ARID1B: variants seen among roughly 807,000 people sequenced by gnomAD.
The protein encoded by ARID1B is AT-rich interactive domain-containing protein 1B.
ARID1B carries 30 observed loss-of-function variants against 212.3 expected under a neutral mutation model. That is an observed-to-expected ratio of 0.14 (90% CI 0.11 to 0.19). The LOEUF is 0.19. Ranked by LOEUF, ARID1B falls within the 10% of genes least tolerant of loss-of-function variation. The probability of loss-of-function intolerance (pLI) is 1.00; values close to 1 mark genes in which losing one functional copy is unlikely to be tolerated. For missense variants in ARID1B, 2,891 were observed against 3,204.0 expected, an observed-to-expected ratio of 0.90 and a Z score of 2.36; for synonymous variants, 1,402 against 1,301.7, an observed-to-expected ratio of 1.08 and a Z score of -1.66.
intron 4 of ARID1B, chr6:157,022,851 G>C (rs1265389475): frequency 1.3e-5 from 2 of 152,150 alleles, no homozygotes; most frequent in Non-Finnish European, 2.9e-5. Flanking sequence ...GTAGGGTTAG[G>C]GTTAGGGTCA....
intron 4 of ARID1B, among the ~76,000 whole-genome samples, chr6:156,961,553 A>G (rs1169556974): frequency 6.7e-6 from 1 of 150,350 alleles, no homozygotes. Context: ...GGCTCCGTTC[A>G]CCTGATCTTC....
intron 2 of ARID1B, among the ~76,000 whole-genome samples, chr6:156,846,907 G>T (rs1784271117): frequency 6.6e-6 from 1 of 152,084 alleles, no homozygotes; most frequent in Admixed American, 6.5e-5. Flanking sequence ...TAATTAGCTT[G>T]CTTCTTATCC....
At chr6:157,062,357 C>T (rs1783396088) in intron 4 of ARID1B, among the ~76,000 whole-genome samples, 1 of 151,918 alleles carries the variant, frequency 6.6e-6, no homozygotes, top group South Asian at 2.1e-4. Flanking sequence ...CCACCATGCC[C>T]AGCTAATTTT....
At chr6:156,967,108 T>G (rs1794822332) in intron 4 of ARID1B, among the ~76,000 whole-genome samples, 1 of 152,236 alleles carries the variant, frequency 6.6e-6, no homozygotes, top group South Asian at 2.1e-4. Context: ...TGTCTTACTT[T>G]TAAATTGCCG....
intron 6 of ARID1B, among the ~76,000 whole-genome samples, chr6:157,125,915 T>A (rs960453182): frequency 6.6e-6 from 1 of 152,238 alleles, no homozygotes; most frequent in Non-Finnish European, 1.5e-5. Context: ...AGTTCATTAT[T>A]TTTCCCTATT....
At chr6:157,051,151 A>G (rs1395128634) in intron 4 of ARID1B, among the ~76,000 whole-genome samples, 1 of 152,214 alleles carries the variant, frequency 6.6e-6, no homozygotes, top group Non-Finnish European at 1.5e-5. Flanking sequence ...GTCATTTGGG[A>G]TGATAAAAGA....
At position 157,201,782 on chromosome 6, in the gene ARID1B, C is replaced by T. The variant is rs750972550; in HGVS notation, c.5263+294C>T. 2.6e-5 allele frequency among the ~76,000 whole-genome samples: 4 copies of T among 152,020 alleles called. No individual in the cohort carries two copies. Among genetic ancestry groups the T allele is most frequent in the Non-Finnish European group, 5.9e-5 (4 of 68,000 alleles). On this transcript the variant is annotated intron_variant, in intron 18 of 19. Coordinates refer to ENST00000636930, the MANE Select transcript of ARID1B (RefSeq NM_001374828.1). This position sits in a 1 kb window ranked among gnomAD's most constrained non-coding sequence, Gnocchi z 5.2. Reference sequence around the variant, plus strand: ...GAGATCGAGACCATCCTGGATAACACGGTGAAATAAAATGGTAGTTTTACG... The same window carrying T: ...GAGATCGAGACCATCCTGGATAACATGGTGAAATAAAATGGTAGTTTTACG...
intron 4 of ARID1B, among the ~76,000 whole-genome samples, chr6:157,040,226 C>T (rs1401642029): frequency 1.3e-5 from 2 of 152,250 alleles, no homozygotes; most frequent in East Asian, 3.9e-4. Context: ...GCGCAAGCCA[C>T]TGTGCTCGGC....
At chr6:157,183,897 C>A (rs763466847) in intron 12 of ARID1B, among the ~76,000 whole-genome samples, 7 of 152,190 alleles carry the variant, frequency 4.6e-5, no homozygotes, top group Non-Finnish European at 1.0e-4. Context: ...TGCCCAAAAA[C>A]CTAACTTGGA....
At chr6:157,168,783 G>A (rs996027564) in intron 9 of ARID1B, 1 of 152,200 alleles carries the variant, frequency 6.6e-6, no homozygotes, top group Non-Finnish European at 1.5e-5. Context: ...CCGTACAGAG[G>A]AAATCTGTTC....
intron 6 of ARID1B, among the ~76,000 whole-genome samples, chr6:157,118,740 G>C (rs141496851): frequency 2.0e-5 from 3 of 152,300 alleles, no homozygotes; most frequent in African/African-American, 7.2e-5. Flanking sequence ...TTTTAAGCCA[G>C]CTATCCAGAA....
At chr6:156,837,385 CAG>C (rs1178471880) in intron 2 of ARID1B, among the ~76,000 whole-genome samples, 1 of 152,138 alleles carries the variant, frequency 6.6e-6, no homozygotes, top group Non-Finnish European at 1.5e-5. Context: ...AACATTGGGA[CAG>C]ATTATATAAA....
intron 10 of ARID1B, chr6:157,174,477 C>T: frequency 5.1e-6 from 1 of 194,428 alleles, no homozygotes. Context: ...GCCTCAGCAA[C>T]AACAACATAC....
At chr6:156,996,045 C>T (rs17087992) in intron 4 of ARID1B, among the ~76,000 whole-genome samples, 2,074 of 152,298 alleles carry the variant, frequency 0.014, 34 homozygotes, top group African/African-American at 0.045. Flanking sequence ...AATCTTTAAA[C>T]TCTTCAACAG....
At chr6:156,788,506 T>G (rs1779796248) in intron 1 of ARID1B, among the ~76,000 whole-genome samples, 1 of 152,214 alleles carries the variant, frequency 6.6e-6, no homozygotes, top group Non-Finnish European at 1.5e-5. Context: ...CCCACTTTGA[T>G]GATCTGCAAA....
chr6:157,210,145 C>G lies in ARID1B; in HGVS notation c.*2254C>G. On this transcript the variant is annotated 3_prime_UTR_variant, in exon 20 of 20. Transcript: ENST00000636930. ...CTCTCATCTGTCAACTCCCACATTA[C>G]TGAGTCAAACAGTCTTCTTACATAA... is the stretch of plus-strand genomic sequence containing the variant. 1 of 232,606 alleles carries G rather than the reference C, an allele frequency of 4.3e-6. No individual in the cohort carries two copies. The highest frequency in any genetic ancestry group is 8.5e-6 in the Non-Finnish European group (1 of 117,688). The allele number at this position is 232,606 out of a possible 1,614,324, so 14.4% of individuals were successfully genotyped here.
At chr6:157,005,674 C>T (rs557341077) in intron 4 of ARID1B, among the ~76,000 whole-genome samples, 1 of 152,280 alleles carries the variant, frequency 6.6e-6, no homozygotes, top group African/African-American at 2.4e-5. Context: ...CCCCGATCTC[C>T]GTTCTACTCA....
intron 4 of ARID1B, among the ~76,000 whole-genome samples, chr6:156,985,898 G>T (rs769408222): frequency 2.0e-5 from 3 of 152,180 alleles, no homozygotes; most frequent in Non-Finnish European, 4.4e-5. Context: ...TTCTGGGTTT[G>T]TTGGATGGGA....
At chr6:156,847,871 G>A (rs1784331114) in intron 2 of ARID1B, among the ~76,000 whole-genome samples, 1 of 152,024 alleles carries the variant, frequency 6.6e-6, no homozygotes, top group Non-Finnish European at 1.5e-5. Flanking sequence ...AACCCAACTC[G>A]ACCTCCTCCC....
Sources: allele counts gnomAD v4.1 joint callset (sites outside exome capture counted in the v4.1 genomes callset), GRCh38; gene constraint gnomAD v4.1.1; non-coding constraint Gnocchi (gnomAD v3.1); transcripts MANE v1.5; gene names NCBI Gene and HGNC (gene_info 2026-07-23, HGNC 2026-07-21).